DIAPH3: variants seen among roughly 807,000 people sequenced by gnomAD.
The protein encoded by DIAPH3 is protein diaphanous homolog 3.
In DIAPH3, 117 loss-of-function variants were observed where a neutral mutation model predicts 144.3. The ratio of observed to expected loss-of-function variants is 0.81; its 90% confidence interval spans 0.70 to 0.95. DIAPH3 has a LOEUF of 0.95. Among genes scored for constraint, DIAPH3 ranks in the 40% least tolerant of loss-of-function variants. The pLI is 0.00. For synonymous variants in DIAPH3, 519 were observed against 488.9 expected, an observed-to-expected ratio of 1.06 and a Z score of -0.81; for missense variants, 1,421 against 1,412.7, an observed-to-expected ratio of 1.01 and a Z score of -0.09.
Position 59,851,635 on chromosome 13 carries a change from CTTTTTTTTTTTT to C in DIAPH3, c.2737+9760_2737+9771del, listed in dbSNP as rs200870976. Among the ~76,000 whole-genome samples, 351 of 112,398 alleles carry C rather than the reference CTTTTTTTTTTTT, an allele frequency of 3.1e-3. 11 individuals are homozygous for C. In the East Asian group the frequency reaches 0.068, roughly 22 times the overall value. The allele number at this position is 112,398 out of a possible 152,430, so 73.7% of individuals were successfully genotyped here. A position where few individuals can be genotyped will look rare whatever the true frequency, so the allele number is the denominator to read the frequency against. ...CTGATTCAACAATGAATAGATGAAT[CTTTTTTTTTTTT>C]TTTTTTTTTTGAGACAGCGTTTCGC... On this transcript the variant is annotated intron_variant, in intron 22 of 27. Transcript: ENST00000400324.
chr13:59,917,419 T>C (rs2047272449), intron 18 of DIAPH3, among the ~76,000 whole-genome samples: 1 of 152,180 alleles, frequency 6.6e-6, no homozygotes, highest in African/African-American at 2.4e-5. Context: ...TCCTGATTTG[T>C]GAGAATATCA....
intron 27 of DIAPH3, among the ~76,000 whole-genome samples, chr13:59,700,467 G>C (rs1459655419): frequency 1.3e-5 from 2 of 152,214 alleles, no homozygotes; most frequent in Non-Finnish European, 2.9e-5. Context: ...GGCAGAGAGA[G>C]AGAGCTCACC....
chr13:59,987,475 T>TAAAAAAAAAAAAAAAAAA (rs201333360), intron 12 of DIAPH3, among the ~76,000 whole-genome samples: 2 of 70,100 alleles, frequency 2.9e-5, no homozygotes, highest in East Asian at 7.5e-4. Flanking sequence ...TAAAGTATAA[T>TAAAAAAAAAAAAAAAAAA]AAAAAAAAAA....
chr13:59,794,527 AT>A (rs1283430321), intron 25 of DIAPH3, among the ~76,000 whole-genome samples: 1 of 151,838 alleles, frequency 6.6e-6, no homozygotes, highest in African/African-American at 2.4e-5. Context: ...AAAAAAAAAA[AT>A]TAAAAAATGT....
intron 17 of DIAPH3, among the ~76,000 whole-genome samples, chr13:59,958,263 T>A (rs1330517102): frequency 6.6e-6 from 1 of 152,170 alleles, no homozygotes; most frequent in Non-Finnish European, 1.5e-5. Flanking sequence ...CATTATTAGG[T>A]CTGCGTAACA....
Position 59,842,812 on chromosome 13 carries a change from G to A in DIAPH3, c.2738-3364C>T, listed in dbSNP as rs144861419. 8.1e-3 allele frequency among the ~76,000 whole-genome samples: 1,227 copies of A among 152,204 alleles called. 7 individuals carry two copies. Among genetic ancestry groups the A allele is most frequent in the Middle Eastern group, 0.048 (14 of 294 alleles). On this transcript the variant is annotated intron_variant, in intron 22 of 27. Coordinates refer to ENST00000400324, the MANE Select transcript of DIAPH3 (RefSeq NM_001042517.2). ...CCATGAACAACCAAACGGAAGAGAGGTACAGGACAAGGAATGGTGGGACGG... is the reference window on the plus strand; with the variant it reads ...CCATGAACAACCAAACGGAAGAGAGATACAGGACAAGGAATGGTGGGACGG...
At chr13:60,076,001 C>A (rs1261325470) in intron 4 of DIAPH3, among the ~76,000 whole-genome samples, 1 of 152,206 alleles carries the variant, frequency 6.6e-6, no homozygotes, top group African/African-American at 2.4e-5. Flanking sequence ...TGCAGGGGGT[C>A]CCCTTGGGAC....
chr13:60,019,965 G>T (rs1294726196), intron 5 of DIAPH3, among the ~76,000 whole-genome samples: 1 of 151,770 alleles, frequency 6.6e-6, no homozygotes, highest in Non-Finnish European at 1.5e-5. Flanking sequence ...CGTAGAAAGG[G>T]AAAGACAAAT....
chr13:60,099,346 C>T (rs1169650828), intron 3 of DIAPH3, among the ~76,000 whole-genome samples: 2 of 152,166 alleles, frequency 1.3e-5, no homozygotes, highest in Non-Finnish European at 2.9e-5. Flanking sequence ...AACACAAATG[C>T]TATTTTATAA....
chr13:59,894,116 T>C (rs955644153), intron 20 of DIAPH3, among the ~76,000 whole-genome samples: 1 of 152,142 alleles, frequency 6.6e-6, no homozygotes, highest in Non-Finnish European at 1.5e-5. Flanking sequence ...ATCAAATCAC[T>C]GTGATACATT....
intron 20 of DIAPH3, among the ~76,000 whole-genome samples, chr13:59,893,338 G>A (rs963108369): frequency 6.6e-6 from 1 of 152,108 alleles, no homozygotes; most frequent in African/African-American, 2.4e-5. Flanking sequence ...ACAAAAGAGG[G>A]ATTATGAGAA....
chr13:59,941,732 T>G (rs1217575136), intron 17 of DIAPH3, among the ~76,000 whole-genome samples: 1 of 152,016 alleles, frequency 6.6e-6, no homozygotes, highest in Non-Finnish European at 1.5e-5. Context: ...ATTTTTCAAG[T>G]AACAACTGAA....
chr13:59,697,244 GATCAGGAGATCGAGACC>G (rs1474299459), intron 27 of DIAPH3, among the ~76,000 whole-genome samples: 2 of 151,700 alleles, frequency 1.3e-5, no homozygotes, highest in Admixed American at 1.3e-4. Context: ...CGGATCACGA[GATCAGGAGATCGAGACC>G]ATCCTCGCTA....
intron 7 of DIAPH3, among the ~76,000 whole-genome samples, chr13:60,015,198 G>A (rs1386327641): frequency 1.3e-5 from 2 of 152,024 alleles, no homozygotes; most frequent in Non-Finnish European, 2.9e-5. Flanking sequence ...GTCTCACTAT[G>A]TTGCCCAGGC....
intron 9 of DIAPH3, among the ~76,000 whole-genome samples, chr13:60,006,161 T>C (rs1045475619): frequency 6.6e-5 from 10 of 152,194 alleles, no homozygotes; most frequent in Non-Finnish European, 1.5e-5. Context: ...TTAATTAAAA[T>C]AAAGGTCAGA....
chr13:60,005,484 T>G (rs2052802749), intron 9 of DIAPH3, among the ~76,000 whole-genome samples: 1 of 152,104 alleles, frequency 6.6e-6, no homozygotes, highest in Admixed American at 6.6e-5. Flanking sequence ...ATCACACTTT[T>G]TTTCTTTTTT....
At chr13:59,815,754 C>A (rs536594497) in intron 24 of DIAPH3, among the ~76,000 whole-genome samples, 142 of 152,162 alleles carry the variant, frequency 9.3e-4, no homozygotes, top group African/African-American at 3.3e-3. Flanking sequence ...CCACACCCAG[C>A]CTAAAAAATG....
chr13:59,871,808 T>C (rs548328320), intron 21 of DIAPH3, among the ~76,000 whole-genome samples: 2 of 152,350 alleles, frequency 1.3e-5, no homozygotes, highest in East Asian at 3.9e-4. Context: ...CCATTTCCTC[T>C]AGTGTGACTT....
intron 20 of DIAPH3, among the ~76,000 whole-genome samples, chr13:59,911,302 A>C (rs938316149): frequency 6.6e-6 from 1 of 152,180 alleles, no homozygotes; most frequent in Non-Finnish European, 1.5e-5. Flanking sequence ...TTTCATCCTC[A>C]TTGCCAAGAA....
Sources: allele counts gnomAD v4.1 joint callset (sites outside exome capture counted in the v4.1 genomes callset), GRCh38; gene constraint gnomAD v4.1.1; transcripts MANE v1.5; gene names NCBI Gene and HGNC (gene_info 2026-07-23, HGNC 2026-07-21).